PHACTR3: variants seen among roughly 807,000 people sequenced by gnomAD.
The protein encoded by PHACTR3 is protein phosphatase 1, regulatory subunit 123.
Under a neutral mutation model 66.8 loss-of-function variants are expected in PHACTR3, and 16 were observed. The ratio of observed to expected loss-of-function variants is 0.24; its 90% CI spans 0.16 to 0.36. The LOEUF (loss-of-function observed/expected upper bound fraction) is 0.36, where lower values mean the gene tolerates loss of function less well. Among genes scored for constraint, PHACTR3 ranks in the 10% least tolerant of loss-of-function variants. The probability of loss-of-function intolerance (pLI) is 1.00; values close to 1 mark genes in which losing one functional copy is unlikely to be tolerated. For synonymous variants in PHACTR3, 323 were observed against 292.1 expected, an observed-to-expected ratio of 1.11 and a Z score of -1.08; for missense variants, 647 against 719.9, an observed-to-expected ratio of 0.90 and a Z score of 1.16.
intron 1 of PHACTR3, among the ~76,000 whole-genome samples, chr20:59,705,256 C>A (rs533970047): frequency 2.6e-5 from 4 of 152,286 alleles, no homozygotes; most frequent in African/African-American, 4.8e-5. Flanking sequence ...CCACTCCTGG[C>A]CAGTATTTGA....
At chr20:59,828,403 C>T (rs55866544) in intron 8 of PHACTR3, among the ~76,000 whole-genome samples, 7,809 of 152,248 alleles carry the variant, frequency 0.051, 611 homozygotes, top group African/African-American at 0.17. Flanking sequence ...CTGTGTCACC[C>T]AATCCAGCCA....
Position 59,788,289 on chromosome 20 carries a change from GA to G in PHACTR3, c.1174+13800del, listed in dbSNP as rs2040985151. 3.3e-5 allele frequency among the ~76,000 whole-genome samples: 5 copies of G among 152,256 alleles called. No individual in the cohort carries two copies. In the South Asian group the frequency reaches 1.0e-3, roughly 32 times the overall value. On this transcript the variant is annotated intron_variant, in intron 7 of 12. Coordinates refer to ENST00000371015, the MANE Select transcript of PHACTR3 (RefSeq NM_080672.5). Reference sequence around the variant, plus strand: ...CATCGTACAGATGCGTTTTTCTCTAGAGAAAGTTCATCAGCCCAGAAGGCCT... The same window carrying G: ...CATCGTACAGATGCGTTTTTCTCTAGGAAAGTTCATCAGCCCAGAAGGCCT...
chr20:59,743,353 C>T, intron 2 of PHACTR3, 85 bp downstream of exon 2: 1 of 1,517,730 alleles, frequency 6.6e-7, no homozygotes, highest in Non-Finnish European at 9.0e-7. Flanking sequence ...TGATCTGTGA[C>T]TTCCTGGCCC....
chr20:59,744,400 C>T (rs1364793356), intron 2 of PHACTR3, among the ~76,000 whole-genome samples: 1 of 152,240 alleles, frequency 6.6e-6, no homozygotes, highest in Non-Finnish European at 1.5e-5. Context: ...GCCTGTGAGC[C>T]ACACCTAAAA....
At chr20:59,794,398 C>T (rs2041193833) in intron 7 of PHACTR3, among the ~76,000 whole-genome samples, 1 of 151,948 alleles carries the variant, frequency 6.6e-6, no homozygotes, top group Non-Finnish European at 1.5e-5. Context: ...TAAATTCCAC[C>T]TGATCATGTT....
chr20:59,751,973 C>T (rs2039608073), intron 3 of PHACTR3, among the ~76,000 whole-genome samples: 1 of 152,212 alleles, frequency 6.6e-6, no homozygotes, highest in Non-Finnish European at 1.5e-5. Flanking sequence ...AATGACTTTC[C>T]TCCATCTCCC....
In PHACTR3 at chr20:59,845,273, T is replaced by C. The variant is rs1228303864; in HGVS notation, c.1664+8T>C. The C allele has an allele frequency of 6.3e-7, 1 of 1,590,876 alleles. No individual in the cohort carries two copies. The highest frequency in any genetic ancestry group is 1.3e-5 in the African/African-American group (1 of 74,186). ...AAGCAAGCACTTGACAAGGTCAGAT[T>C]TGTTTCTGTGAATTTCATGGTACTT... On this transcript the variant is annotated splice_region_variant and intron_variant, in intron 12 of 12. Transcript: ENST00000371015.
At chr20:59,832,056 G>T (rs563718030) in intron 8 of PHACTR3, among the ~76,000 whole-genome samples, 2 of 152,280 alleles carry the variant, frequency 1.3e-5, no homozygotes, top group African/African-American at 4.8e-5. Flanking sequence ...TCTGTGCTGG[G>T]AGAATGCTTC....
chr20:59,734,400 C>T (rs1339336481), intron 1 of PHACTR3, among the ~76,000 whole-genome samples: 3 of 152,112 alleles, frequency 2.0e-5, no homozygotes, highest in East Asian at 1.9e-4. Flanking sequence ...TACAGGTGTG[C>T]ATAACCACAC....
At chr20:59,790,985 T>A (rs1335653444) in intron 7 of PHACTR3, among the ~76,000 whole-genome samples, 1 of 152,162 alleles carries the variant, frequency 6.6e-6, no homozygotes, top group Non-Finnish European at 1.5e-5. Flanking sequence ...ACAACTCATA[T>A]CTCCATGAAC....
intron 7 of PHACTR3, among the ~76,000 whole-genome samples, chr20:59,797,722 T>G (rs1287218272): frequency 1.3e-5 from 2 of 152,196 alleles, no homozygotes; most frequent in East Asian, 1.9e-4. Context: ...CTATGTACAT[T>G]GAGGTAATTG....
chr20:59,588,788 G>A lies in PHACTR3; in HGVS notation c.109+11171G>A, dbSNP rs529003695. On this transcript the variant is annotated intron_variant, in intron 1 of 12. Transcript: ENST00000359926. Reference sequence around the variant, plus strand: ...GAATACTGGTTGAATGAGTGGACACGTGAATTAACGAATGAGAGACTCAAA... The same window carrying A: ...GAATACTGGTTGAATGAGTGGACACATGAATTAACGAATGAGAGACTCAAA... 5.3e-5 allele frequency among the ~76,000 whole-genome samples: 8 copies of A among 152,320 alleles called. No individual in the cohort carries two copies. The South Asian group carries it at 1.7e-3, about 32-fold the overall frequency.
intron 1 of PHACTR3, among the ~76,000 whole-genome samples, chr20:59,623,740 G>C (rs971716422): frequency 6.6e-6 from 1 of 152,334 alleles, no homozygotes; most frequent in Middle Eastern, 3.4e-3. Flanking sequence ...GTGGCCATGT[G>C]GTGGGAGGGG....
At position 59,806,144 on chromosome 20, in the gene PHACTR3, T is replaced by A. The variant is rs771209183; in HGVS notation, c.1278T>A (p.Thr426=). The change falls in exon 8 of 13, where the codon ACT becomes ACA. Residue 426 remains threonine (T), a synonymous_variant. Coordinates refer to ENST00000371015, the MANE Select transcript of PHACTR3 (RefSeq NM_080672.5). ...ACCGGAACATTTTCCCCAGAAGGACTGATGAAGAAAGACAGGAGATCCGGC... is the reference window on the plus strand; with the variant it reads ...ACCGGAACATTTTCCCCAGAAGGACAGATGAAGAAAGACAGGAGATCCGGC... The part of the protein sequence containing the change: ...LEDRNIFPRR[T]DEERQEIRQQ... 1 of 1,614,202 alleles carries A rather than the reference T, an allele frequency of 6.2e-7. No homozygotes were observed. Among genetic ancestry groups the A allele is most frequent in the Admixed American group, 1.7e-5 (1 of 60,024 alleles).
chr20:59,584,516 TGA>T (rs904573188), intron 1 of PHACTR3, among the ~76,000 whole-genome samples: 1 of 152,016 alleles, frequency 6.6e-6, no homozygotes, highest in African/African-American at 2.4e-5. Context: ...ATTACATGCA[TGA>T]GTGTGTGCAT....
chr20:59,616,871 A>G (rs892887971), intron 1 of PHACTR3, among the ~76,000 whole-genome samples: 8 of 151,866 alleles, frequency 5.3e-5, no homozygotes, highest in Non-Finnish European at 1.0e-4. Flanking sequence ...GGGAAGGGTG[A>G]GTTTTGGAGC....
chr20:59,731,015 T>G (rs548866653), intron 1 of PHACTR3, among the ~76,000 whole-genome samples: 10 of 152,288 alleles, frequency 6.6e-5, no homozygotes, highest in Admixed American at 2.6e-4. Flanking sequence ...ATGCATTTAA[T>G]CCCTCTGAAA....
intron 1 of PHACTR3, among the ~76,000 whole-genome samples, chr20:59,641,233 C>A (rs2035090131): frequency 6.6e-6 from 1 of 152,072 alleles, no homozygotes; most frequent in South Asian, 2.1e-4. Context: ...TGTATGTATG[C>A]ATGTATGTAT....
chr20:59,690,839 A>G (rs997243109), intron 1 of PHACTR3, among the ~76,000 whole-genome samples: 1 of 152,108 alleles, frequency 6.6e-6, no homozygotes, highest in South Asian at 2.1e-4. Flanking sequence ...CTACCTGTTC[A>G]TATTACCAAA....
Sources: gnomAD v4.1 joint callset for allele counts (sites outside exome capture counted in the v4.1 genomes callset) on GRCh38, gnomAD v4.1.1 for gene constraint, MANE v1.5 for transcripts, NCBI Gene and HGNC (gene_info 2026-07-23, HGNC 2026-07-21) for gene names.